The following MPHOSPH6 variants were observed in gnomAD, a reference collection of about 807,000 sequenced individuals.
MPHOSPH6 encodes the protein M-phase phosphoprotein 6.
In MPHOSPH6, 25 loss-of-function variants were observed where a neutral mutation model predicts 21.8. The ratio of observed to expected loss-of-function variants is 1.15; its 90% CI spans 0.83 to 1.60. The LOEUF is 1.60. Among genes scored for constraint, MPHOSPH6 ranks in the 40% most tolerant of loss-of-function variants. The pLI is 0.00. For synonymous variants in MPHOSPH6, 84 were observed against 56.5 expected (o/e 1.49, Z -2.18); for missense variants, 269 against 181.8 (o/e 1.48, Z -2.76).
intron 2 of MPHOSPH6, among the ~76,000 whole-genome samples, chr16:82,162,734 C>T (rs1424441671): frequency 6.6e-6 from 1 of 152,198 alleles, no homozygotes; most frequent in African/African-American, 2.4e-5. Context: ...TCTTCTCCTG[C>T]CAACATCCTG....
At chr16:82,170,043 C>A (rs1906920411) in intron 1 of MPHOSPH6, 82 bp downstream of exon 1, 5 of 1,470,008 alleles carry the variant, frequency 3.4e-6, no homozygotes, top group Non-Finnish European at 4.6e-6. Flanking sequence ...TGTCCCTTGT[C>A]CGCCCGCCGC....
intron 2 of MPHOSPH6, among the ~76,000 whole-genome samples, chr16:82,152,451 C>CT: frequency 6.6e-6 from 1 of 152,198 alleles, no homozygotes; most frequent in Non-Finnish European, 1.5e-5. Flanking sequence ...TGTAAGAACA[C>CT]TGTAGGCTCT....
rs552110598 is a variant in MPHOSPH6, at chr16:82,168,472, C to CTTTT, written c.51+1649_51+1652dup. On this transcript the variant is annotated intron_variant, in intron 1 of 4. Transcript: ENST00000258169. ...TGCCCATATAATGTTTACTCTCTCT[C>CTTTT]TTTTTTTTTTTTTTTTGAGACAGGG... Among the ~76,000 whole-genome samples the CTTTT allele has an allele frequency of 3.0e-3, 146 of 48,016 alleles. 2 individuals are homozygous for CTTTT. In the East Asian group the frequency reaches 0.073, roughly 24 times the overall value. 31.5% of individuals were successfully genotyped at this position (48,016 alleles called of 152,430 possible).
intron 2 of MPHOSPH6, among the ~76,000 whole-genome samples, chr16:82,155,553 A>G (rs1906401714): frequency 1.3e-5 from 2 of 152,226 alleles, no homozygotes; most frequent in Admixed American, 1.3e-4. Flanking sequence ...TCTATTTATG[A>G]TATATAAAAC....
intron 3 of MPHOSPH6, 100 bp from the exon 4 acceptor site, chr16:82,149,503 C>G: frequency 1.1e-6 from 1 of 946,100 alleles, no homozygotes; most frequent in South Asian, 1.3e-5. Flanking sequence ...GTCAAATAAT[C>G]TAGAGAACTA....
At chr16:82,165,116 T>TTC in intron 1 of MPHOSPH6, among the ~76,000 whole-genome samples, 1 of 56,548 alleles carries the variant, frequency 1.8e-5, no homozygotes, top group African/African-American at 8.4e-5. Context: ...CGATATTTCT[T>TTC]TTTTATTTTT....
At chr16:82,157,709 C>T (rs975469946) in intron 2 of MPHOSPH6, among the ~76,000 whole-genome samples, 2 of 152,154 alleles carry the variant, frequency 1.3e-5, no homozygotes, top group African/African-American at 4.8e-5. Flanking sequence ...AAAGAGTGGT[C>T]TGGATAGGCC....
intron 2 of MPHOSPH6, 21 bp from the exon 3 acceptor site, chr16:82,151,535 A>G (rs778185987): frequency 1.3e-6 from 2 of 1,563,940 alleles, no homozygotes; most frequent in East Asian, 2.3e-5. Context: ...AAATAAAAAT[A>G]GCATTTCTCC....
In MPHOSPH6 at chr16:82,148,876, C is replaced by G; in HGVS notation, c.351-13G>C. ...CAAGGTCTCATATCTGTCAAGAGGA[C>G]AGGCAGCACACGTTTAATTTCAAAT... On this transcript the variant is annotated splice_polypyrimidine_tract_variant and intron_variant, in intron 4 of 4. Coordinates refer to ENST00000258169, the MANE Select transcript of MPHOSPH6 (RefSeq NM_005792.2). 1.2e-6 allele frequency: 2 copies of G among 1,613,408 alleles called. No individual in the cohort carries two copies.
chr16:82,165,144 T>TGTTTTTG (rs1203387918), intron 1 of MPHOSPH6, among the ~76,000 whole-genome samples: 1 of 108,626 alleles, frequency 9.2e-6, no homozygotes, highest in Non-Finnish European at 1.9e-5. Context: ...TTTTTTTTTT[T>TGTTTTTG]TGAGACAGAG....
intron 2 of MPHOSPH6, among the ~76,000 whole-genome samples, chr16:82,163,289 G>C (rs1009754512): frequency 1.1e-4 from 16 of 152,210 alleles, no homozygotes; most frequent in African/African-American, 3.4e-4. Context: ...CCATACAACA[G>C]AGCTTACTAA....
intron 2 of MPHOSPH6, among the ~76,000 whole-genome samples, chr16:82,155,928 G>A (rs1021236506): frequency 6.6e-6 from 1 of 151,548 alleles, no homozygotes; most frequent in Non-Finnish European, 1.5e-5. Flanking sequence ...AAGTTAATAG[G>A]ATCACAGGTT....
At position 82,153,454 on chromosome 16, in the gene MPHOSPH6, T is replaced by C. The variant is rs116806731; in HGVS notation, c.165-1940A>G. On this transcript the variant is annotated intron_variant, in intron 2 of 4. Coordinates refer to ENST00000258169, the MANE Select transcript of MPHOSPH6 (RefSeq NM_005792.2). ...TTTCTGCCTGGAGGCAATTTCCAGA[T>C]TGTGGAGCAGGGAGTGGGGGACTCA... is the stretch of plus-strand genomic sequence containing the variant. Among the ~76,000 whole-genome samples the C allele has an allele frequency of 9.7e-3, 1,470 of 152,320 alleles. 22 individuals carry two copies. Among genetic ancestry groups the C allele is most frequent in the African/African-American group, 0.034 (1,397 of 41,564 alleles).
chr16:82,154,362 T>C (rs777277036), intron 2 of MPHOSPH6, among the ~76,000 whole-genome samples: 3 of 152,150 alleles, frequency 2.0e-5, no homozygotes, highest in Non-Finnish European at 4.4e-5. Flanking sequence ...TTCAACACTC[T>C]ATTAAGAAAA....
At position 82,148,678 on chromosome 16, in the gene MPHOSPH6, T is replaced by G. The variant is rs561254836; in HGVS notation, c.*53A>C. 1.3e-6 allele frequency: 2 copies of G among 1,597,108 alleles called. No individual in the cohort carries two copies. The highest frequency in any genetic ancestry group is 2.7e-5 in the African/African-American group (2 of 74,434). ...AGACACCATTGGGATGAGCTCCAGATGCCCTGCTGACTTCCACCAAGCACC... is the reference window on the plus strand; with the variant it reads ...AGACACCATTGGGATGAGCTCCAGAGGCCCTGCTGACTTCCACCAAGCACC... On this transcript the variant is annotated 3_prime_UTR_variant, in exon 5 of 5. Transcript: ENST00000258169.
chr16:82,170,088 C>T (rs1343643462), intron 1 of MPHOSPH6, 37 bp downstream of exon 1: 1 of 1,573,738 alleles, frequency 6.4e-7, no homozygotes, highest in Non-Finnish European at 8.6e-7. Context: ...ACCGGGTGCC[C>T]CTACCGCCCG....
Position 82,154,685 on chromosome 16 carries a change from G to GA in MPHOSPH6, c.165-3172dup, listed in dbSNP as rs559528666. Among the ~76,000 whole-genome samples, 89 of 149,400 alleles carry GA rather than the reference G, an allele frequency of 6.0e-4. No homozygotes were observed. The South Asian group carries it at 9.6e-3, about 16-fold the overall frequency. Reference sequence around the variant, plus strand: ...ATTTAAAAAAATAAATTATATAACTGAAAAAAAAACTGCAGTGAAAAACTG... The same window carrying GA: ...ATTTAAAAAAATAAATTATATAACTGAAAAAAAAAACTGCAGTGAAAAACTG... On this transcript the variant is annotated intron_variant, in intron 2 of 4. Coordinates refer to ENST00000258169, the MANE Select transcript of MPHOSPH6 (RefSeq NM_005792.2).
intron 2 of MPHOSPH6, among the ~76,000 whole-genome samples, chr16:82,163,197 G>C (rs183446080): frequency 2.0e-5 from 3 of 152,158 alleles, no homozygotes; most frequent in Admixed American, 2.0e-4. Flanking sequence ...CCAAACATCA[G>C]GTACAGAATG....
intron 2 of MPHOSPH6, among the ~76,000 whole-genome samples, chr16:82,154,297 A>C (rs1198139225): frequency 6.6e-6 from 1 of 152,186 alleles, no homozygotes; most frequent in African/African-American, 2.4e-5. Flanking sequence ...TACAAAACAC[A>C]CCCTAACAAA....
Sources: allele counts gnomAD v4.1 joint callset (sites outside exome capture counted in the v4.1 genomes callset), GRCh38; gene constraint gnomAD v4.1.1; transcripts MANE v1.5; gene names NCBI Gene and HGNC (gene_info 2026-07-23, HGNC 2026-07-21).